The following R3HDM1 variants were observed in gnomAD, a reference collection of about 807,000 sequenced individuals.
The protein encoded by R3HDM1 is R3H domain-containing protein 1.
Under a neutral mutation model 141.1 loss-of-function variants are expected in R3HDM1, and 46 were observed. That is an observed-to-expected ratio of 0.33 (90% CI 0.26 to 0.42). The LOEUF is 0.42. Ranked by LOEUF, R3HDM1 falls within the 10% of genes least tolerant of loss-of-function variation. The pLI, the probability that R3HDM1 is intolerant of heterozygous loss-of-function variation, is 1.00. For missense variants in R3HDM1, 1,184 were observed against 1,368.3 expected (o/e 0.87, Z 2.12); for synonymous variants, 435 against 472.9 (o/e 0.92, Z 1.04).
intron 3 of R3HDM1, among the ~76,000 whole-genome samples, chr2:135,615,489 G>C (rs1254170075): frequency 6.6e-6 from 1 of 152,172 alleles, no homozygotes; most frequent in Admixed American, 6.5e-5. Flanking sequence ...TCACAAACTT[G>C]AGTTAGTTTG....
At chr2:135,552,384 C>T (rs1488462605) in intron 1 of R3HDM1, among the ~76,000 whole-genome samples, 8 of 151,960 alleles carry the variant, frequency 5.3e-5, no homozygotes, top group African/African-American at 1.9e-4. Flanking sequence ...TTAGTAGAGA[C>T]GGGGTTTCGC....
chr2:135,714,237 G>A (rs765210089), intron 23 of R3HDM1, among the ~76,000 whole-genome samples: 2 of 152,198 alleles, frequency 1.3e-5, no homozygotes, highest in Non-Finnish European at 2.9e-5. Flanking sequence ...TAGACGTCAG[G>A]TTCCTTCTGA....
At chr2:135,667,367 C>A (rs2067670916) in intron 19 of R3HDM1, 1 of 436,542 alleles carries the variant, frequency 2.3e-6, no homozygotes, top group Non-Finnish European at 3.0e-6. Context: ...ACAGTGCAGT[C>A]CTTTAACAAA....
intron 18 of R3HDM1, among the ~76,000 whole-genome samples, chr2:135,652,523 C>A (rs2065255917): frequency 2.0e-5 from 3 of 152,118 alleles, no homozygotes. Flanking sequence ...GATGTAGTAT[C>A]CTTCTTATAT....
intron 23 of R3HDM1, among the ~76,000 whole-genome samples, chr2:135,714,787 A>ACACACG (rs1559503591): frequency 2.0e-5 from 3 of 151,768 alleles, no homozygotes; most frequent in African/African-American, 7.3e-5. Flanking sequence ...ACACACACAC[A>ACACACG]CACAGAGAAA....
intron 21 of R3HDM1, among the ~76,000 whole-genome samples, chr2:135,698,476 A>G (rs1478655629): frequency 6.6e-6 from 1 of 152,148 alleles, no homozygotes; most frequent in Non-Finnish European, 1.5e-5. Context: ...GGATGCTTCT[A>G]AGATACTAGC....
At chr2:135,567,400 G>A (rs893429738) in intron 1 of R3HDM1, among the ~76,000 whole-genome samples, 8 of 152,156 alleles carry the variant, frequency 5.3e-5, no homozygotes, top group African/African-American at 1.7e-4. Flanking sequence ...ATGCATACAC[G>A]TACACTCAAT....
Position 135,655,492 on chromosome 2 carries a change from T to TTTGTTG in R3HDM1, c.2028+3484_2028+3489dup, listed in dbSNP as rs543591380. ...TCTTTTTCTTTTTCTTTTTTTTGTT[T>TTTGTTG]TTGTTGTTGTTGTTGTTGTTGTTGT... On this transcript the variant is annotated intron_variant, in intron 18 of 26. Transcript: ENST00000683871. 2.9e-4 allele frequency among the ~76,000 whole-genome samples: 44 copies of TTTGTTG among 151,494 alleles called. No homozygotes were observed. The East Asian group carries it at 7.0e-3, about 24-fold the overall frequency.
At chr2:135,559,079 G>C (rs1701303716) in intron 1 of R3HDM1, 2 of 958,474 alleles carry the variant, frequency 2.1e-6, no homozygotes, top group Non-Finnish European at 1.2e-6. Flanking sequence ...GTGTGTGTGT[G>C]TGTGTGTGTG....
intron 1 of R3HDM1, among the ~76,000 whole-genome samples, chr2:135,535,367 C>T (rs1006524600): frequency 4.6e-5 from 7 of 151,812 alleles, no homozygotes; most frequent in South Asian, 4.2e-4. Context: ...GGCGTGTTGG[C>T]GGGTGCCTGT....
chr2:135,561,175 G>C (rs1701732565), intron 1 of R3HDM1: 1 of 361,766 alleles, frequency 2.8e-6, no homozygotes, highest in Non-Finnish European at 3.8e-6. Flanking sequence ...GAATGCTTCT[G>C]ATACCAGGAA....
intron 3 of R3HDM1, among the ~76,000 whole-genome samples, chr2:135,614,471 A>G (rs981012512): frequency 6.6e-6 from 1 of 152,202 alleles, no homozygotes; most frequent in Non-Finnish European, 1.5e-5. Context: ...CTACGCTTTC[A>G]CTGAATCCTT....
chr2:135,667,723 TCTC>T lies in R3HDM1; in HGVS notation c.2152+6333_2152+6335del, dbSNP rs913484288. ...ACTTTTCATTCTCTAGAAATCTACT[TCTC>T]CTTCCTAATCCTCAGCCTTCTCCCT... On this transcript the variant is annotated intron_variant, in intron 19 of 26. Coordinates refer to ENST00000683871, the MANE Select transcript of R3HDM1 (RefSeq NM_001378107.1). The T allele has an allele frequency of 1.5e-5, 15 of 981,892 alleles. No individual in the cohort carries two copies. The Admixed American group carries it at 8.0e-4, about 52-fold the overall frequency. The allele number at this position is 981,892 out of a possible 1,614,324, so 60.8% of individuals were successfully genotyped here. A position where few individuals can be genotyped will look rare whatever the true frequency, so the allele number is the denominator to read the frequency against.
chr2:135,569,978 G>A (rs769021517), intron 1 of R3HDM1, among the ~76,000 whole-genome samples: 2 of 151,966 alleles, frequency 1.3e-5, no homozygotes, highest in African/African-American at 2.4e-5. Context: ...TGTCCGCCTC[G>A]GCCTCCCAAA....
chr2:135,590,324 A>C (rs1708968650), intron 1 of R3HDM1, among the ~76,000 whole-genome samples: 1 of 151,880 alleles, frequency 6.6e-6, no homozygotes, highest in African/African-American at 2.4e-5. Context: ...TGGGGTCACT[A>C]GAGAGAGAGA....
chr2:135,553,817 A>C (rs1700244432), intron 1 of R3HDM1, among the ~76,000 whole-genome samples: 1 of 152,182 alleles, frequency 6.6e-6, no homozygotes, highest in Admixed American at 6.5e-5. Flanking sequence ...CAGCCTCCCA[A>C]GTAGCTGGGA....
chr2:135,601,991 C>G (rs1362239994), intron 1 of R3HDM1, among the ~76,000 whole-genome samples: 2 of 135,422 alleles, frequency 1.5e-5, no homozygotes, highest in African/African-American at 5.5e-5. Context: ...TTTTTTAGAA[C>G]AGACAATGTG....
At chr2:135,585,037 G>T (rs1033869481) in intron 1 of R3HDM1, among the ~76,000 whole-genome samples, 1 of 152,132 alleles carries the variant, frequency 6.6e-6, no homozygotes, top group Non-Finnish European at 1.5e-5. Flanking sequence ...GGGTACCTAG[G>T]CTGGCACTTG....
At chr2:135,646,170 C>T (rs538728525) in intron 16 of R3HDM1, among the ~76,000 whole-genome samples, 11 of 142,848 alleles carry the variant, frequency 7.7e-5, no homozygotes, top group Non-Finnish European at 1.3e-4. Flanking sequence ...GAGTCTTGCT[C>T]TGTCACCCCG....
Sources: gnomAD v4.1 joint callset for allele counts (sites outside exome capture counted in the v4.1 genomes callset) on GRCh38, gnomAD v4.1.1 for gene constraint, MANE v1.5 for transcripts, NCBI Gene and HGNC (gene_info 2026-07-23, HGNC 2026-07-21) for gene names.